The following KIF20B variants were observed in gnomAD, a reference collection of about 807,000 sequenced individuals.
KIF20B encodes the protein kinesin-like protein KIF20B.
In KIF20B, 188 loss-of-function variants were observed where a neutral mutation model predicts 232.5. The ratio of observed to expected loss-of-function variants is 0.81; its 90% CI spans 0.72 to 0.91. The LOEUF (loss-of-function observed/expected upper bound fraction) is 0.91. KIF20B is among the 40% of genes least tolerant of loss of function. The pLI is 0.00. For synonymous variants in KIF20B, 712 were observed against 683.0 expected (o/e 1.04, Z -0.66); for missense variants, 2,154 against 2,055.9 (o/e 1.05, Z -0.92).
In KIF20B at chr10:89,709,265, A is replaced by G; in HGVS notation, c.234+12A>G. On this transcript the variant is annotated intron_variant, in intron 3 of 32. Coordinates refer to ENST00000371728, the MANE Select transcript of KIF20B (RefSeq NM_001284259.2). Reference sequence around the variant, plus strand: ...AACTTGAGTCTGAGGTTTGTGTTGAATTTAATAGAATTTTAATATTTTACT... The same window carrying G: ...AACTTGAGTCTGAGGTTTGTGTTGAGTTTAATAGAATTTTAATATTTTACT... 6.3e-7 allele frequency: 1 copy of G among 1,596,712 alleles called. No individual in the cohort carries two copies.
chr10:89,743,993 G>C (rs10881648), intron 22 of KIF20B, 66 bp downstream of exon 22: 1 of 1,356,796 alleles, frequency 7.4e-7, no homozygotes, highest in Non-Finnish European at 9.9e-7. Flanking sequence ...TGTACAAAAA[G>C]GTACAAATTT....
chr10:89,772,656 T>C (rs746204319), intron 31 of KIF20B, 33 bp from the exon 32 acceptor site: 3 of 1,371,390 alleles, frequency 2.2e-6, no homozygotes, highest in Non-Finnish European at 3.0e-6. Context: ...TAGAAAATTA[T>C]TTCAGGAACT....
In KIF20B at chr10:89,729,189, A is replaced by G; in HGVS notation, c.2333A>G (p.Asp778Gly). ...ATAAATATAATTGATCAAAAAGAAG[A>G]TACTATCAACGAATTTCAGAACCTA... ...ELINIIDQKEDTINEFQNLKS... is the reference protein window; with the variant it reads ...ELINIIDQKEGTINEFQNLKS... Residue 778 changes from aspartate (D) to glycine (G), a missense_variant, in exon 18 of 33, where the codon GAT becomes GGT. Transcript: ENST00000371728. 1 of 1,483,896 alleles carries G rather than the reference A, an allele frequency of 6.7e-7. No homozygotes were observed. The highest frequency in any genetic ancestry group is 9.1e-7 in the Non-Finnish European group (1 of 1,103,616). The allele number at this position is 1,483,896 out of a possible 1,614,324, so 91.9% of individuals were successfully genotyped here.
intron 31 of KIF20B, among the ~76,000 whole-genome samples, chr10:89,771,218 T>C (rs541874685): frequency 4.6e-5 from 7 of 152,200 alleles, no homozygotes; most frequent in Non-Finnish European, 8.8e-5. Flanking sequence ...ACTTAATCTT[T>C]ATTATTCAAT....
At chr10:89,729,284 A>G (rs1400612037) in intron 18 of KIF20B, 37 bp downstream of exon 18, 1 of 1,417,528 alleles carries the variant, frequency 7.1e-7, no homozygotes, top group Non-Finnish European at 9.4e-7. Flanking sequence ...AATAAATTAG[A>G]TAAGCATATG....
intron 14 of KIF20B, among the ~76,000 whole-genome samples, chr10:89,724,813 C>CTG (rs1218460934): frequency 3.3e-5 from 5 of 152,062 alleles, no homozygotes; most frequent in African/African-American, 1.2e-4. Flanking sequence ...GACGGTGTTG[C>CTG]TGTGTTGGCC....
At position 89,738,118 on chromosome 10, in the gene KIF20B, A is replaced by G. The variant is rs1355725713; in HGVS notation, c.3277A>G (p.Lys1093Glu). The stretch of plus-strand genomic sequence containing the variant: ...AATTGAAAAATTGCAGGCAGAAGTA[A>G]AAGGCTATAAGGATGAAAACAATAG... ...QQIEKLQAEV[K>E]GYKDENNRLK... The change falls in exon 20 of 33, where the codon AAA (lysine) becomes GAA (glutamate). Residue 1093 changes from lysine to glutamate, a missense_variant. By Grantham distance (56) the Lys-to-Glu change is moderately conservative. Transcript: ENST00000371728. 2.5e-6 allele frequency: 4 copies of G among 1,609,660 alleles called. No individual in the cohort carries two copies. The highest frequency in any genetic ancestry group is 3.4e-6 in the Non-Finnish European group (4 of 1,179,360).
At chr10:89,718,258 T>A (rs1842976231) in intron 11 of KIF20B, among the ~76,000 whole-genome samples, 3 of 152,116 alleles carry the variant, frequency 2.0e-5, no homozygotes, top group South Asian at 4.1e-4. Context: ...GCATGGTGGC[T>A]TATGCCTGTA....
chr10:89,729,854 G>A (rs1422239245), intron 18 of KIF20B, among the ~76,000 whole-genome samples: 1 of 151,748 alleles, frequency 6.6e-6, no homozygotes, highest in African/African-American at 2.4e-5. Flanking sequence ...TTCTTTTTTT[G>A]GGGTAAGCTC....
At chr10:89,743,186 G>A (rs928768267) in intron 21 of KIF20B, among the ~76,000 whole-genome samples, 1 of 152,188 alleles carries the variant, frequency 6.6e-6, no homozygotes, top group Non-Finnish European at 1.5e-5. Context: ...TTTCAGAGGG[G>A]GTTGGTATGA....
intron 6 of KIF20B, among the ~76,000 whole-genome samples, chr10:89,712,152 A>T (rs771036002): frequency 1.3e-5 from 2 of 152,042 alleles, no homozygotes; most frequent in African/African-American, 4.8e-5. Context: ...AAATGTATTT[A>T]AAAAAATGAA....
intron 6 of KIF20B, among the ~76,000 whole-genome samples, chr10:89,711,890 A>G (rs1175604705): frequency 6.6e-6 from 1 of 152,098 alleles, no homozygotes; most frequent in Non-Finnish European, 1.5e-5. Flanking sequence ...TACTATTTTG[A>G]ACAGTGTTTC....
At position 89,737,563 on chromosome 10, in the gene KIF20B, T is replaced by C. The variant is rs1306623877; in HGVS notation, c.2722T>C (p.Leu908=). ...AAATGAAAAGGAAGAAAAAGCAGAA[T>C]TAAATAAACAGATTGTTCATTTTCA... The part of the protein sequence containing the change: ...LKNEKEEKAE[L]NKQIVHFQQE... The change falls in exon 20 of 33, where the codon TTA becomes CTA. Residue 908 remains leucine (L), a synonymous_variant. Coordinates refer to ENST00000371728, the MANE Select transcript of KIF20B (RefSeq NM_001284259.2). 4 of 1,606,626 alleles carry C rather than the reference T, an allele frequency of 2.5e-6. No individual in the cohort carries two copies.
At chr10:89,730,582 C>T (rs1349127234) in intron 18 of KIF20B, among the ~76,000 whole-genome samples, 1 of 152,062 alleles carries the variant, frequency 6.6e-6, no homozygotes, top group African/African-American at 2.4e-5. Flanking sequence ...CAGTGGTAGT[C>T]AGGAGAGACA....
intron 6 of KIF20B, among the ~76,000 whole-genome samples, chr10:89,712,715 A>G (rs1842859528): frequency 6.6e-6 from 1 of 152,200 alleles, no homozygotes; most frequent in Non-Finnish European, 1.5e-5. Context: ...GTTTTATATA[A>G]GGTGGTACCA....
intron 23 of KIF20B, among the ~76,000 whole-genome samples, chr10:89,749,101 T>C (rs1841976077): frequency 6.6e-6 from 1 of 152,202 alleles, no homozygotes; most frequent in African/African-American, 2.4e-5. Context: ...TGATCTATTC[T>C]GTACTAGTTA....
At chr10:89,714,367 T>C (rs1293723943) in intron 7 of KIF20B, among the ~76,000 whole-genome samples, 3 of 152,004 alleles carry the variant, frequency 2.0e-5, no homozygotes, top group African/African-American at 7.2e-5. Context: ...TAGTCCTAGC[T>C]ACCTGGGAGG....
At chr10:89,744,163 A>G (rs1433273080) in intron 22 of KIF20B, among the ~76,000 whole-genome samples, 1 of 152,180 alleles carries the variant, frequency 6.6e-6, no homozygotes, top group Non-Finnish European at 1.5e-5. Context: ...ATAACTTCAT[A>G]GTGAAGAAAC....
Position 89,762,724 on chromosome 10 carries a change from A to T in KIF20B, c.4878A>T (p.Gln1626His), listed in dbSNP as rs142595855. 6.2e-7 allele frequency: 1 copy of T among 1,613,628 alleles called. No individual in the cohort carries two copies. The highest frequency in any genetic ancestry group is 8.5e-7 in the Non-Finnish European group (1 of 1,179,738). Residue 1626 changes from glutamine (Q) to histidine (H), a missense_variant, in exon 29 of 33, where the codon CAA becomes CAT. Gln to His is a conservative substitution (Grantham distance 24, BLOSUM62 0). Transcript: ENST00000371728. The stretch of plus-strand genomic sequence containing the variant: ...TTCCAAAACCTGAGTTAGAGATTCA[A>T]TTTACACCTTTACAGCCAAACAAAA... The part of the protein sequence containing the change: ...TRFPKPELEI[Q>H]FTPLQPNKMA...
Sources: gnomAD v4.1 joint callset for allele counts (sites outside exome capture counted in the v4.1 genomes callset) on GRCh38, gnomAD v4.1.1 for gene constraint, MANE v1.5 for transcripts, NCBI Gene and HGNC (gene_info 2026-07-23, HGNC 2026-07-21) for gene names.